CCR7: variants seen among roughly 807,000 people sequenced by gnomAD.
CCR7 encodes C-C chemokine receptor type 7.
CCR7 carries 11 observed loss-of-function variants against 26.0 expected under a neutral mutation model. The ratio of observed to expected loss-of-function variants is 0.42; its 90% CI spans 0.27 to 0.70. The LOEUF (loss-of-function observed/expected upper bound fraction) is 0.70. Ranked by LOEUF, CCR7 falls within the 30% of genes least tolerant of loss-of-function variation. The pLI is 0.23. For synonymous variants in CCR7, 189 were observed against 202.1 expected, an observed-to-expected ratio of 0.94 and a Z score of 0.55; for missense variants, 360 against 504.0, an observed-to-expected ratio of 0.71 and a Z score of 2.74.
chr17:40,561,056 G>A (rs1303202097), intron 1 of CCR7: 1 of 152,192 alleles, frequency 6.6e-6, no homozygotes, highest in African/African-American at 2.4e-5. Context: ...GTGTCTTTCG[G>A]TTACTCTAGA....
rs2036553719 is a variant in CCR7 at position 40,554,459 on chromosome 17, T to C, written c.*283A>G. ...CACTCCAGCAGGTGGGAACAGTTTC[T>C]GGACTTTCACTTTCAGTTTTTGGTT... On this transcript the variant is annotated 3_prime_UTR_variant, in exon 3 of 3. Transcript: ENST00000246657. The C allele has an allele frequency of 1.2e-5, 5 of 425,700 alleles. No individual in the cohort carries two copies. The highest frequency in any genetic ancestry group is 2.1e-5 in the Non-Finnish European group (5 of 236,800). The allele number at this position is 425,700 out of a possible 1,614,324, so 26.4% of individuals were successfully genotyped here. A position where few individuals can be genotyped will look rare whatever the true frequency, so the allele number is the denominator to read the frequency against.
chr17:40,556,015 T>G (rs911231105), intron 2 of CCR7, among the ~76,000 whole-genome samples, 197 bp from the exon 3 acceptor site: 2 of 152,036 alleles, frequency 1.3e-5, no homozygotes, highest in Non-Finnish European at 2.9e-5. Flanking sequence ...CAGGTGATCC[T>G]TCCACTTCAG....
In CCR7 at chr17:40,555,060, T is replaced by C; in HGVS notation, c.819A>G (p.Ile273Met). Residue 273 changes from isoleucine (I) to methionine (M), a missense_variant, in exon 3 of 3, where the codon ATA becomes ATG. Physicochemically the swap from Ile to Met is conservative, Grantham distance 10 (BLOSUM62 1). Coordinates refer to ENST00000246657, the MANE Select transcript of CCR7 (RefSeq NM_001838.4). The surrounding 1 kb of genome is among the most constrained non-coding windows in gnomAD (Gnocchi z 5.6). ...CCCCATTGTAGGGCAGCTGGAAGAC[T>C]ATGAAGACCACGACCACAGCGATGA... ...KVIIAVVVVF[I>M]VFQLPYNGVV... 1 of 1,614,148 alleles carries C rather than the reference T, an allele frequency of 6.2e-7. No homozygotes were observed. The highest frequency in any genetic ancestry group is 8.5e-7 in the Non-Finnish European group (1 of 1,180,032).
intron 2 of CCR7, among the ~76,000 whole-genome samples, chr17:40,556,707 G>C (rs2036590827): frequency 6.6e-6 from 1 of 152,150 alleles, no homozygotes; most frequent in South Asian, 2.1e-4. Context: ...CTTTCTTCTT[G>C]ACCCTCCTTT....
At chr17:40,562,594 A>G (rs2143920116) in intron 1 of CCR7, among the ~76,000 whole-genome samples, 1 of 152,284 alleles carries the variant, frequency 6.6e-6, no homozygotes, top group South Asian at 2.1e-4. Flanking sequence ...CCTACTTGAA[A>G]AATAAAAATC....
Position 40,555,835 on chromosome 17 carries a change from G to C in CCR7, c.61-17C>G. The C allele has an allele frequency of 6.3e-7, 1 of 1,585,750 alleles. No homozygotes were observed. Among genetic ancestry groups the C allele is most frequent in the Non-Finnish European group, 8.6e-7 (1 of 1,156,734 alleles). ...CAGGCATACCTTCGGGGAAGGAAATGAGGGAAAACAGGCCAGTTTAGCTGG... is the reference window on the plus strand; with the variant it reads ...CAGGCATACCTTCGGGGAAGGAAATCAGGGAAAACAGGCCAGTTTAGCTGG... On this transcript the variant is annotated splice_polypyrimidine_tract_variant and intron_variant, in intron 2 of 2. Transcript: ENST00000246657. This position sits in a 1 kb window ranked among gnomAD's most constrained non-coding sequence, Gnocchi z 5.6.
In CCR7 at chr17:40,555,747, G is replaced by A. The variant is rs35928598; in HGVS notation, c.132C>T (p.Phe44=). 1.0e-3 allele frequency: 1,609 copies of A among 1,614,004 alleles called. No individual in the cohort carries two copies. Among genetic ancestry groups the A allele is most frequent in the Non-Finnish European group, 1.3e-3 (1,499 of 1,180,022 alleles). Residue 44 remains phenylalanine (F), a synonymous_variant, in exon 3 of 3, where the codon TTC becomes TTT. Transcript: ENST00000246657. This position sits in a 1 kb window ranked among gnomAD's most constrained non-coding sequence, Gnocchi z 5.6. ...GDNTTVDYTL[F]ESLCSKKDVR... Reference sequence around the variant, plus strand: ...CGTCCTTCTTGGAGCACAAAGACTCGAACAAAGTGTAGTCCACTGTGGTGT... The same window carrying A: ...CGTCCTTCTTGGAGCACAAAGACTCAAACAAAGTGTAGTCCACTGTGGTGT...
In CCR7 at chr17:40,555,253, C is replaced by T. The variant is rs753561165; in HGVS notation, c.626G>A (p.Arg209Gln). ...CACATGCTCTGTGATGAGAGAGCAT[C>T]GCATCGCTTGCTCACTGCTGCTCCT... ...LQRSSSEQAMRCSLITEHVEA... is the reference protein window; with the variant it reads ...LQRSSSEQAMQCSLITEHVEA... The change falls in exon 3 of 3, where the codon CGA becomes CAA. Residue 209 changes from arginine (R) to glutamine (Q), a missense_variant. By Grantham distance (43) the Arg-to-Gln change is conservative. Coordinates refer to ENST00000246657, the MANE Select transcript of CCR7 (RefSeq NM_001838.4). The surrounding 1 kb of genome is among the most constrained non-coding windows in gnomAD (Gnocchi z 5.6). 5 of 1,614,116 alleles carry T rather than the reference C, an allele frequency of 3.1e-6. No individual in the cohort carries two copies. Among genetic ancestry groups the T allele is most frequent in the East Asian group, 2.2e-5 (1 of 44,878 alleles).
intron 1 of CCR7, chr17:40,560,922 C>T (rs1204112757): frequency 6.6e-6 from 1 of 152,328 alleles, no homozygotes; most frequent in Non-Finnish European, 1.5e-5. Flanking sequence ...CACTGAATTA[C>T]CCCTTAGCTC....
At chr17:40,564,530 T>C (rs1049039045) in intron 1 of CCR7, among the ~76,000 whole-genome samples, 2 of 152,238 alleles carry the variant, frequency 1.3e-5, no homozygotes, top group African/African-American at 4.8e-5. Context: ...AGCCTCAGCC[T>C]GGTCTGACTC....
chr17:40,564,072 A>G (rs1429081494), intron 1 of CCR7, among the ~76,000 whole-genome samples: 2 of 150,922 alleles, frequency 1.3e-5, no homozygotes, highest in Admixed American at 1.3e-4. Context: ...TCTGTGGGTG[A>G]CGTCTGTACT....
rs372297045 is a variant in CCR7 at position 40,555,908 on chromosome 17, C to CTTT, written c.61-93_61-91dup. 3.2e-5 allele frequency: 22 copies of CTTT among 684,198 alleles called. No individual in the cohort carries two copies. The highest frequency in any genetic ancestry group is 4.2e-5 in the Non-Finnish European group (18 of 428,254). The allele number at this position is 684,198 out of a possible 1,614,324, so 42.4% of individuals were successfully genotyped here. A position where few individuals can be genotyped will look rare whatever the true frequency, so the allele number is the denominator to read the frequency against. ...TTTAGCCTAGAGCAGTGGTTTCTTT[C>CTTT]TTTTTTTTTTTTCTTGAGACATGGT... On this transcript the variant is annotated intron_variant, in intron 2 of 2. Coordinates refer to ENST00000246657, the MANE Select transcript of CCR7 (RefSeq NM_001838.4). The surrounding 1 kb of genome is among the most constrained non-coding windows in gnomAD (Gnocchi z 5.6).
chr17:40,561,642 C>CA, intron 1 of CCR7, among the ~76,000 whole-genome samples: 1 of 152,186 alleles, frequency 6.6e-6, no homozygotes. Context: ...TGGCTGCCCC[C>CA]ATCTCCAAAC....
Position 40,562,405 on chromosome 17 carries a change from C to T in CCR7, c.10+2995G>A, listed in dbSNP as rs114491160. Reference sequence around the variant, plus strand: ...AGCCTGCTGCATCTAGGACGCTCCACGGAGCATGAGGGGAATCTTTGCTCC... The same window carrying T: ...AGCCTGCTGCATCTAGGACGCTCCATGGAGCATGAGGGGAATCTTTGCTCC... On this transcript the variant is annotated intron_variant, in intron 1 of 2. Coordinates refer to ENST00000246657, the MANE Select transcript of CCR7 (RefSeq NM_001838.4). 5.6e-3 allele frequency among the ~76,000 whole-genome samples: 858 copies of T among 152,200 alleles called. 7 individuals carry two copies. Among genetic ancestry groups the T allele is most frequent in the African/African-American group, 0.017 (713 of 41,516 alleles).
rs535818653 is a variant in CCR7 at position 40,563,724 on chromosome 17, A to G, written c.10+1676T>C. On this transcript the variant is annotated intron_variant, in intron 1 of 2. Coordinates refer to ENST00000246657, the MANE Select transcript of CCR7 (RefSeq NM_001838.4). ...GCTCTCTCAAGTTGAGTGAAGTGGC[A>G]AGAATATCCCTTCTTCCTGGACCAG... Among the ~76,000 whole-genome samples, 22 of 152,172 alleles carry G rather than the reference A, an allele frequency of 1.4e-4. No individual in the cohort carries two copies. The South Asian group carries it at 2.1e-3, about 14-fold the overall frequency.
In CCR7 at chr17:40,555,565, A is replaced by T. The variant is rs761681023; in HGVS notation, c.314T>A (p.Ile105Asn). Residue 105 changes from isoleucine to asparagine, a missense_variant, in exon 3 of 3, where the codon ATC becomes AAC. By Grantham distance (149) the Ile-to-Asn change is moderately radical. Coordinates refer to ENST00000246657, the MANE Select transcript of CCR7 (RefSeq NM_001838.4). This position sits in a 1 kb window ranked among gnomAD's most constrained non-coding sequence, Gnocchi z 5.6. ...GAAGGGAAGGGTCAGGAGGAAGAGG[A>T]TGTCTGCCACCGCCAGGTTGAGCAG... ...TYLLNLAVADILFLLTLPFWA... is the reference protein window; with the variant it reads ...TYLLNLAVADNLFLLTLPFWA... The T allele has an allele frequency of 1.9e-6, 3 of 1,614,092 alleles. No homozygotes were observed. Among genetic ancestry groups the T allele is most frequent in the South Asian group, 2.2e-5 (2 of 91,068 alleles).
intron 2 of CCR7, among the ~76,000 whole-genome samples, chr17:40,557,082 C>T (rs1046943859): frequency 1.2e-4 from 19 of 152,192 alleles, no homozygotes; most frequent in African/African-American, 3.4e-4. Context: ...TCTGTGCTCC[C>T]GCCCTCTCCC....
intron 2 of CCR7, 106 bp downstream of exon 2, chr17:40,558,787 T>A: frequency 1.0e-6 from 1 of 954,224 alleles, no homozygotes; most frequent in South Asian, 1.4e-5. Flanking sequence ...CGGGCTTATG[T>A]CTGGGTCTTG....
In CCR7 at chr17:40,555,908, C is replaced by CA; in HGVS notation, c.61-91_61-90insT. ...TTTAGCCTAGAGCAGTGGTTTCTTT[C>CA]TTTTTTTTTTTTCTTGAGACATGGT... On this transcript the variant is annotated intron_variant, in intron 2 of 2. Transcript: ENST00000246657. The surrounding 1 kb of genome is among the most constrained non-coding windows in gnomAD (Gnocchi z 5.6). 2.9e-6 allele frequency: 2 copies of CA among 683,966 alleles called. No homozygotes were observed. The highest frequency in any genetic ancestry group is 2.1e-5 in the South Asian group (1 of 47,638). The allele number at this position is 683,966 out of a possible 1,614,324, so 42.4% of individuals were successfully genotyped here.
Sources: gnomAD v4.1 joint callset for allele counts (sites outside exome capture counted in the v4.1 genomes callset) on GRCh38, gnomAD v4.1.1 for gene constraint, Gnocchi (gnomAD v3.1) non-coding constraint, MANE v1.5 for transcripts, NCBI Gene and HGNC (gene_info 2026-07-23, HGNC 2026-07-21) for gene names.